FMN1: variants seen among roughly 807,000 people sequenced by gnomAD.
FMN1 encodes the protein formin-1.
Under a neutral mutation model 132.4 loss-of-function variants are expected in FMN1, and 110 were observed. That is an observed-to-expected ratio of 0.83 (90% CI 0.71 to 0.97). FMN1 has a LOEUF of 0.97. Among genes scored for constraint, FMN1 ranks in the 50% least tolerant of loss-of-function variants. FMN1 has a pLI of 0.00. For synonymous variants in FMN1, 722 were observed against 651.7 expected (o/e 1.11, Z -1.64); for missense variants, 1,792 against 1,705.3 (o/e 1.05, Z -0.90).
chr15:33,110,102 T>C (rs1044239417), intron 4 of FMN1, among the ~76,000 whole-genome samples: 2 of 152,086 alleles, frequency 1.3e-5, no homozygotes, highest in Non-Finnish European at 1.5e-5. Context: ...TAACTGATAA[T>C]TGTCATACTT....
intron 3 of FMN1, among the ~76,000 whole-genome samples, chr15:33,173,695 A>G (rs1965412036): frequency 6.6e-6 from 1 of 152,220 alleles, no homozygotes; most frequent in African/African-American, 2.4e-5. Context: ...TTGGGAGGCC[A>G]AGGCGGGCGG....
Position 32,798,832 on chromosome 15 carries a change from G to C in FMN1, c.4102C>G (p.Arg1368Gly). Residue 1368 changes from arginine (R) to glycine (G), a missense_variant, in exon 19 of 21, where the codon CGG becomes GGG. This residue lies in a region of FMN1 where 1,150 missense variants were observed against 1,043.1 expected (regional missense o/e 1.10). Coordinates refer to ENST00000616417, the MANE Select transcript of FMN1 (RefSeq NM_001277313.2). ...FCSDFKTIWK[R>G]ESKNISKERL... ...TCTTTAGATATGTTTTTACTCTCCC[G>C]TTTCCAAATTGTCTTGAAGTCACTG... 9.3e-6 allele frequency: 15 copies of C among 1,612,892 alleles called. No individual in the cohort carries two copies. The highest frequency in any genetic ancestry group is 1.1e-5 in the Non-Finnish European group (13 of 1,179,490).
chr15:32,921,836 C>G (rs749577437), intron 10 of FMN1, among the ~76,000 whole-genome samples: 13 of 151,962 alleles, frequency 8.6e-5, no homozygotes, highest in Non-Finnish European at 1.6e-4. Context: ...CCATGCCTGG[C>G]TAATTTTTGT....
intron 19 of FMN1, 37 bp from the exon 20 acceptor site, chr15:32,776,956 G>A (rs1199975625): frequency 8.1e-7 from 1 of 1,230,160 alleles, no homozygotes; most frequent in South Asian, 1.3e-5. Context: ...GGGAGAGAGG[G>A]AAAAGAAAGG....
intron 6 of FMN1, among the ~76,000 whole-genome samples, chr15:33,017,928 G>C (rs71462838): frequency 0.017 from 2,579 of 152,210 alleles, 36 homozygotes; most frequent in Middle Eastern, 0.024. Context: ...TGCTGGGTGT[G>C]GTGGCTCGCA....
chr15:32,934,751 C>T (rs914046040), intron 9 of FMN1, among the ~76,000 whole-genome samples: 6 of 151,454 alleles, frequency 4.0e-5, no homozygotes, highest in East Asian at 1.9e-4. Context: ...AGATTATAGG[C>T]GTCCCCTGCC....
chr15:32,926,901 C>T (rs1428012705), intron 9 of FMN1, among the ~76,000 whole-genome samples: 1 of 152,158 alleles, frequency 6.6e-6, no homozygotes, highest in Non-Finnish European at 1.5e-5. Context: ...TCTCCTGCCT[C>T]AGCCTTCAGA....
At chr15:32,887,942 C>T (rs764406137) in intron 16 of FMN1, among the ~76,000 whole-genome samples, 7 of 151,832 alleles carry the variant, frequency 4.6e-5, no homozygotes, top group East Asian at 1.9e-4. Flanking sequence ...GTAGATATAA[C>T]GAGATATGGA....
At chr15:33,120,625 T>TTTG (rs1962462465) in intron 4 of FMN1, among the ~76,000 whole-genome samples, 1 of 152,204 alleles carries the variant, frequency 6.6e-6, no homozygotes, top group African/African-American at 2.4e-5. Context: ...CGGCAGCTTT[T>TTTG]GTTGTCTTTT....
intron 10 of FMN1, among the ~76,000 whole-genome samples, chr15:32,918,395 T>C (rs1567390108): frequency 6.6e-6 from 1 of 152,196 alleles, no homozygotes; most frequent in Non-Finnish European, 1.5e-5. Context: ...ACCTGGGCTC[T>C]GATGGAGTAA....
At chr15:33,030,042 C>T (rs2035863129) in intron 6 of FMN1, among the ~76,000 whole-genome samples, 1 of 152,170 alleles carries the variant, frequency 6.6e-6, no homozygotes, top group Non-Finnish European at 1.5e-5. Flanking sequence ...CCTGTAGTCC[C>T]AGCTACTCGG....
chr15:32,983,742 TAA>T (rs539233623), intron 7 of FMN1, among the ~76,000 whole-genome samples: 12 of 152,156 alleles, frequency 7.9e-5, no homozygotes, highest in Non-Finnish European at 1.0e-4. Flanking sequence ...ACTCACGTCT[TAA>T]AGAGACTCAA....
intron 7 of FMN1, among the ~76,000 whole-genome samples, chr15:33,001,757 T>G (rs2034132900): frequency 8.2e-6 from 1 of 122,154 alleles, no homozygotes. Flanking sequence ...TCTCACTCCC[T>G]CGCTCAGGCT....
rs747809041 is a variant in FMN1 at position 33,154,249 on chromosome 15, C to T, written c.666G>A (p.Pro222=). Residue 222 remains proline (P), a synonymous_variant, in exon 4 of 21, where the codon CCG becomes CCA. Coordinates refer to ENST00000616417, the MANE Select transcript of FMN1 (RefSeq NM_001277313.2). ...GCAGGGAGCAGGCAAGTGCCCCATT[C>T]GGGAGCAGATTTCCTTTCTCCTCTA... ...WVLEEKGNLL[P]NGALACSLQR... The T allele has an allele frequency of 3.8e-5, 59 of 1,536,158 alleles. 1 individual carries two copies. Among genetic ancestry groups the T allele is most frequent in the South Asian group, 2.1e-4 (18 of 84,058 alleles).
rs537609364 is a variant in FMN1 at position 33,020,994 on chromosome 15, A to G, written c.2162-12919T>C. On this transcript the variant is annotated intron_variant, in intron 6 of 20. Transcript: ENST00000616417. ...CTTCCTATGGCTTTAAGCCTTGGCCATATGACTTGTTTTGGCTAGTGGAAT... is the reference window on the plus strand; with the variant it reads ...CTTCCTATGGCTTTAAGCCTTGGCCGTATGACTTGTTTTGGCTAGTGGAAT... Among the ~76,000 whole-genome samples, 4 of 152,368 alleles carry G rather than the reference A, an allele frequency of 2.6e-5. No individual in the cohort carries two copies. In the South Asian group the frequency reaches 8.3e-4, roughly 32 times the overall value.
chr15:33,035,230 T>C (rs1407631479), intron 6 of FMN1, among the ~76,000 whole-genome samples: 1 of 152,194 alleles, frequency 6.6e-6, no homozygotes, highest in Non-Finnish European at 1.5e-5. Context: ...TTTTAAGATA[T>C]CCACAACAAC....
chr15:32,875,616 G>T lies in FMN1; in HGVS notation c.3835+12556C>A, dbSNP rs79626564. On this transcript the variant is annotated intron_variant, in intron 16 of 20. Coordinates refer to ENST00000616417, the MANE Select transcript of FMN1 (RefSeq NM_001277313.2). Reference sequence around the variant, plus strand: ...GAGCCACGCTGAGGTTGAGCTATCTGGGAAAGAATCTACGAGAGATAAGGA... The same window carrying T: ...GAGCCACGCTGAGGTTGAGCTATCTTGGAAAGAATCTACGAGAGATAAGGA... Among the ~76,000 whole-genome samples, 121 of 152,194 alleles carry T rather than the reference G, an allele frequency of 8.0e-4. 1 individual carries two copies. In the East Asian group the frequency reaches 0.015, roughly 19 times the overall value.
At chr15:33,088,375 G>A (rs2038781608) in intron 5 of FMN1, among the ~76,000 whole-genome samples, 1 of 152,172 alleles carries the variant, frequency 6.6e-6, no homozygotes, top group Non-Finnish European at 1.5e-5. Flanking sequence ...GGAGAGAAAG[G>A]TTCATGAATA....
At chr15:33,118,950 G>C (rs935977786) in intron 4 of FMN1, among the ~76,000 whole-genome samples, 3 of 151,408 alleles carry the variant, frequency 2.0e-5, no homozygotes, top group Non-Finnish European at 4.4e-5. Flanking sequence ...TAAATTCTTA[G>C]TTTTGTTCAA....
Sources: gnomAD v4.1 joint callset for allele counts (sites outside exome capture counted in the v4.1 genomes callset) on GRCh38, gnomAD v4.1.1 for gene constraint, gnomAD v4.1.1 regional missense constraint, MANE v1.5 for transcripts, NCBI Gene and HGNC (gene_info 2026-07-23, HGNC 2026-07-21) for gene names.